PBX1: variants seen among roughly 807,000 people sequenced by gnomAD.
The protein encoded by PBX1 is PBX homeobox 1.
Under a neutral mutation model 53.4 loss-of-function variants are expected in PBX1, and 6 were observed. The ratio of observed to expected loss-of-function variants is 0.11; its 90% CI spans 0.06 to 0.22. The LOEUF (loss-of-function observed/expected upper bound fraction) is 0.22, where lower values mean the gene tolerates loss of function less well. PBX1 is among the 10% of genes least tolerant of loss of function. The pLI is 1.00. For synonymous variants in PBX1, 204 were observed against 212.3 expected (o/e 0.96, Z 0.34); for missense variants, 251 against 551.4 (o/e 0.46, Z 5.46).
intron 2 of PBX1, among the ~76,000 whole-genome samples, chr1:164,780,033 T>G (rs1363390796): frequency 6.6e-6 from 1 of 152,172 alleles, no homozygotes; most frequent in East Asian, 1.9e-4. Context: ...GCCAGCATCT[T>G]GTGGTGCTAA....
intron 2 of PBX1, among the ~76,000 whole-genome samples, chr1:164,872,234 G>C (rs76638394): frequency 1.3e-5 from 2 of 152,186 alleles, no homozygotes; most frequent in South Asian, 2.1e-4. Context: ...CCTTGGCCCC[G>C]ACCATTCCAG....
intron 2 of PBX1, chr1:164,700,671 C>A: frequency 1.0e-6 from 1 of 985,304 alleles, no homozygotes; most frequent in Non-Finnish European, 1.2e-6. Context: ...GACCCTGCAG[C>A]AGATAGGATG....
intron 2 of PBX1, among the ~76,000 whole-genome samples, chr1:164,671,884 G>A (rs1661135629): frequency 6.6e-6 from 1 of 152,076 alleles, no homozygotes; most frequent in Non-Finnish European, 1.5e-5. Flanking sequence ...TTGCCCATAT[G>A]CCTTACCTTC....
At chr1:164,708,382 T>A (rs1025440080) in intron 2 of PBX1, among the ~76,000 whole-genome samples, 1 of 26,584 alleles carries the variant, frequency 3.8e-5, no homozygotes, top group Admixed American at 8.1e-4. Context: ...TAGTCTTTTT[T>A]TAAAAAAAAT....
intron 2 of PBX1, among the ~76,000 whole-genome samples, chr1:164,880,679 A>G (rs1672624247): frequency 6.6e-6 from 1 of 152,110 alleles, no homozygotes; most frequent in East Asian, 1.9e-4. Flanking sequence ...GCTAAATCCC[A>G]CAGGTGTAGG....
At chr1:164,781,905 T>C (rs1017737504) in intron 2 of PBX1, among the ~76,000 whole-genome samples, 1 of 152,236 alleles carries the variant, frequency 6.6e-6, no homozygotes, top group African/African-American at 2.4e-5. Context: ...TGTAATACTC[T>C]ACATGAGATC....
At chr1:164,761,484 G>A (rs1008164748) in intron 2 of PBX1, among the ~76,000 whole-genome samples, 6 of 150,836 alleles carry the variant, frequency 4.0e-5, no homozygotes, top group African/African-American at 1.5e-4. Context: ...TCGCTCTGTC[G>A]CCCAGGCTGG....
At chr1:164,681,243 A>G (rs1661753350) in intron 2 of PBX1, among the ~76,000 whole-genome samples, 1 of 151,912 alleles carries the variant, frequency 6.6e-6, no homozygotes, top group South Asian at 2.1e-4. Flanking sequence ...TGTAATACAA[A>G]CTCAACCTAA....
chr1:164,683,538 A>C (rs1459804032), intron 2 of PBX1: 1 of 152,186 alleles, frequency 6.6e-6, no homozygotes, highest in Non-Finnish European at 1.5e-5. Context: ...TGGTTTTCAA[A>C]ACCAGATCAT....
chr1:164,881,352 GGA>G (rs1672646264), intron 2 of PBX1, among the ~76,000 whole-genome samples: 1 of 95,810 alleles, frequency 1.0e-5, no homozygotes, highest in African/African-American at 3.7e-5. Flanking sequence ...AAGGAAGGAA[GGA>G]AGGAAGGAGG....
At chr1:164,691,278 T>C (rs924726560) in intron 2 of PBX1, among the ~76,000 whole-genome samples, 2 of 152,204 alleles carry the variant, frequency 1.3e-5, no homozygotes, top group Middle Eastern at 3.4e-3. Flanking sequence ...CCTCCCAAAG[T>C]GCTGGGGTTA....
intron 2 of PBX1, among the ~76,000 whole-genome samples, chr1:164,773,571 G>A (rs1667495461): frequency 6.7e-6 from 1 of 148,626 alleles, no homozygotes; most frequent in Non-Finnish European, 1.5e-5. Flanking sequence ...ATTAAATGTG[G>A]AGAGTGGTTT....
intron 2 of PBX1, among the ~76,000 whole-genome samples, chr1:164,687,956 A>C (rs975138953): frequency 1.3e-5 from 2 of 152,128 alleles, no homozygotes; most frequent in Non-Finnish European, 2.9e-5. Flanking sequence ...CCTGCAGTGG[A>C]GACCTATTTG....
At position 164,847,821 on chromosome 1, in the gene PBX1, C is replaced by A; in HGVS notation, c.*1145C>A. Reference sequence around the variant, plus strand: ...CTTCCAGGACCTGCAGGCCCACTAGCGTGCACTTACCAGAATGGCATACAC... The same window carrying A: ...CTTCCAGGACCTGCAGGCCCACTAGAGTGCACTTACCAGAATGGCATACAC... On this transcript the variant is annotated 3_prime_UTR_variant, in exon 9 of 9. Transcript: ENST00000420696. The A allele has an allele frequency of 9.5e-7, 1 of 1,054,594 alleles. No individual in the cohort carries two copies. Among genetic ancestry groups the A allele is most frequent in the Non-Finnish European group, 1.1e-6 (1 of 872,616 alleles). 65.3% of individuals were successfully genotyped at this position (1,054,594 alleles called of 1,614,324 possible). A position where few individuals can be genotyped will look rare whatever the true frequency, so the allele number is the denominator to read the frequency against.
At chr1:164,588,798 T>C (rs1304679518) in intron 2 of PBX1, among the ~76,000 whole-genome samples, 1 of 152,120 alleles carries the variant, frequency 6.6e-6, no homozygotes, top group Non-Finnish European at 1.5e-5. Flanking sequence ...GCCCCGGCCT[T>C]CTGTTTTCTT....
chr1:164,657,398 A>G (rs1376216134), intron 2 of PBX1: 1 of 152,232 alleles, frequency 6.6e-6, no homozygotes, highest in East Asian at 1.9e-4. Flanking sequence ...TATTATCATG[A>G]TGCATTAAAA....
At chr1:164,630,091 A>G (rs2101876643) in intron 2 of PBX1, among the ~76,000 whole-genome samples, 1 of 152,292 alleles carries the variant, frequency 6.6e-6, no homozygotes, top group East Asian at 1.9e-4. Flanking sequence ...GTTATTTTGC[A>G]AAGTCATTAG....
chr1:164,780,722 C>G (rs1667891416), intron 2 of PBX1, among the ~76,000 whole-genome samples: 1 of 152,126 alleles, frequency 6.6e-6, no homozygotes, highest in African/African-American at 2.4e-5. Flanking sequence ...TTTCTTGGTC[C>G]CCATGAGATG....
intron 2 of PBX1, among the ~76,000 whole-genome samples, chr1:164,862,781 G>A (rs1672130769): frequency 6.6e-6 from 1 of 152,198 alleles, no homozygotes; most frequent in South Asian, 2.1e-4. Flanking sequence ...CTACAGTGTT[G>A]AGAGCTAAGG....
Sources: gnomAD v4.1 joint callset for allele counts (sites outside exome capture counted in the v4.1 genomes callset) on GRCh38, gnomAD v4.1.1 for gene constraint, MANE v1.5 for transcripts, NCBI Gene and HGNC (gene_info 2026-07-23, HGNC 2026-07-21) for gene names.